SDK2: variants seen among roughly 807,000 people sequenced by gnomAD.
SDK2 encodes protein sidekick-2.
SDK2 carries 105 observed loss-of-function variants against 253.9 expected under a neutral mutation model. The ratio of observed to expected loss-of-function variants is 0.41; its 90% CI spans 0.35 to 0.49. The LOEUF is 0.49. Ranked by LOEUF, SDK2 falls within the 20% of genes least tolerant of loss-of-function variation. The probability of loss-of-function intolerance (pLI) is 0.06; values close to 1 mark genes in which losing one functional copy is unlikely to be tolerated. For missense variants in SDK2, 2,608 were observed against 3,003.0 expected (o/e 0.87, Z 3.07); for synonymous variants, 1,249 against 1,234.9 (o/e 1.01, Z -0.24).
rs534855338 is a variant in SDK2, at chr17:73,465,525, C to T, written c.331+6587G>A. Among the ~76,000 whole-genome samples the T allele has an allele frequency of 2.0e-5, 3 of 152,156 alleles. No individual in the cohort carries two copies. The East Asian group carries it at 5.8e-4, about 29-fold the overall frequency. ...TCTCCCAACCCTCTTAGCCATTCATCCCACATGCTGAATGCTGGAAATTTA... is the reference window on the plus strand; with the variant it reads ...TCTCCCAACCCTCTTAGCCATTCATTCCACATGCTGAATGCTGGAAATTTA... On this transcript the variant is annotated intron_variant, in intron 3 of 44. Transcript: ENST00000392650. This position sits in a 1 kb window ranked among gnomAD's most constrained non-coding sequence, Gnocchi z 4.2.
intron 12 of SDK2, among the ~76,000 whole-genome samples, chr17:73,428,104 T>C (rs1307858146): frequency 1.3e-5 from 2 of 152,200 alleles, no homozygotes; most frequent in Non-Finnish European, 2.9e-5. Context: ...GTACATCATA[T>C]GTCATTAGGG....
chr17:73,440,040 C>A (rs1010331420), intron 6 of SDK2, among the ~76,000 whole-genome samples: 3 of 151,822 alleles, frequency 2.0e-5, no homozygotes, highest in Admixed American at 6.6e-5. Flanking sequence ...GAGGTGAGGG[C>A]CGCACATGGC....
intron 32 of SDK2, 70 bp downstream of exon 32, chr17:73,385,777 G>A: frequency 2.1e-6 from 3 of 1,425,108 alleles, no homozygotes; most frequent in Non-Finnish European, 2.9e-6. Flanking sequence ...GGTGGGGACT[G>A]CTGGCTTTCC....
chr17:73,546,454 G>A (rs1423334898), intron 1 of SDK2, among the ~76,000 whole-genome samples: 3 of 152,238 alleles, frequency 2.0e-5, no homozygotes, highest in Non-Finnish European at 4.4e-5. Context: ...GCAGGAGAAT[G>A]TGGAACAGCC....
At chr17:73,434,905 C>T (rs1271677332) in intron 9 of SDK2, among the ~76,000 whole-genome samples, 1 of 152,178 alleles carries the variant, frequency 6.6e-6, no homozygotes, top group Non-Finnish European at 1.5e-5. Context: ...GCTGGGATTA[C>T]AGGTGTGAGC....
chr17:73,388,606 A>T (rs2062894369), intron 29 of SDK2, among the ~76,000 whole-genome samples: 1 of 152,190 alleles, frequency 6.6e-6, no homozygotes, highest in Admixed American at 6.5e-5. Flanking sequence ...TGATGCCAGT[A>T]GCACTCCCAC....
At chr17:73,579,697 C>A (rs2045506826) in intron 1 of SDK2, among the ~76,000 whole-genome samples, 1 of 152,324 alleles carries the variant, frequency 6.6e-6, no homozygotes, top group East Asian at 1.9e-4. Flanking sequence ...AGATTAGAGG[C>A]TGGACGCGGT....
intron 1 of SDK2, among the ~76,000 whole-genome samples, chr17:73,623,418 A>G (rs1467131927): frequency 6.6e-6 from 1 of 152,116 alleles, no homozygotes; most frequent in South Asian, 2.1e-4. Flanking sequence ...CAATTGATTA[A>G]GTAGAGGAAT....
rs1416258926 is a variant in SDK2, at chr17:73,344,571, A to C, written c.6165+4028T>G. Among the ~76,000 whole-genome samples, 5 of 152,250 alleles carry C rather than the reference A, an allele frequency of 3.3e-5. No individual in the cohort carries two copies. In the East Asian group the frequency reaches 7.7e-4, roughly 23 times the overall value. On this transcript the variant is annotated intron_variant, in intron 44 of 44. Coordinates refer to ENST00000392650, the MANE Select transcript of SDK2 (RefSeq NM_001144952.2). ...GTTTCCCCAGCTGTTAAATGGGGAT[A>C]GTTTCACTTGCATGGCAGGACAGCT...
At chr17:73,418,815 G>T (rs1412345982) in intron 16 of SDK2, among the ~76,000 whole-genome samples, 1 of 152,154 alleles carries the variant, frequency 6.6e-6, no homozygotes, top group African/African-American at 2.4e-5. Flanking sequence ...CCACTCACGG[G>T]TCAAGAGAAT....
rs550367326 is a variant in SDK2, at chr17:73,479,346, T to C, written c.225-7128A>G. Among the ~76,000 whole-genome samples, 11 of 151,950 alleles carry C rather than the reference T, an allele frequency of 7.2e-5. No individual in the cohort carries two copies. The East Asian group carries it at 1.5e-3, about 21-fold the overall frequency. On this transcript the variant is annotated intron_variant, in intron 2 of 44. Transcript: ENST00000392650. Reference sequence around the variant, plus strand: ...TGCTGAGCATGTGCATGTCTGTGCGTGTGTGTGTGTGTGTCCTCAGACACC... The same window carrying C: ...TGCTGAGCATGTGCATGTCTGTGCGCGTGTGTGTGTGTGTCCTCAGACACC...
intron 1 of SDK2, among the ~76,000 whole-genome samples, chr17:73,601,894 G>T (rs536076296): frequency 6.6e-6 from 1 of 152,152 alleles, no homozygotes; most frequent in South Asian, 2.1e-4. Context: ...CAGGCACCCA[G>T]CACCATGCCC....
At chr17:73,480,698 G>T (rs1196111599) in intron 2 of SDK2, among the ~76,000 whole-genome samples, 1 of 152,104 alleles carries the variant, frequency 6.6e-6, no homozygotes, top group Non-Finnish European at 1.5e-5. Flanking sequence ...GAGAGACAGG[G>T]AGGCTGAGAT....
At chr17:73,545,942 G>C (rs1765087420) in intron 1 of SDK2, among the ~76,000 whole-genome samples, 1 of 152,204 alleles carries the variant, frequency 6.6e-6, no homozygotes, top group Non-Finnish European at 1.5e-5. Context: ...TGTGGAACAG[G>C]TAGGCTGTAG....
intron 1 of SDK2, among the ~76,000 whole-genome samples, chr17:73,588,656 A>G (rs553341739): frequency 6.6e-6 from 1 of 152,222 alleles, no homozygotes; most frequent in East Asian, 1.9e-4. Flanking sequence ...CAGGGATCCT[A>G]TGAAATACCC....
At chr17:73,517,853 A>T (rs4789100) in intron 1 of SDK2, 119,578 of 152,302 alleles carry the variant, frequency 0.79, 47,431 homozygotes, top group African/African-American at 0.89. Context: ...GCCCTTTCTT[A>T]CCTTCTTTAC....
intron 3 of SDK2, among the ~76,000 whole-genome samples, chr17:73,464,016 T>C (rs898310543): frequency 3.3e-5 from 5 of 152,258 alleles, no homozygotes; most frequent in African/African-American, 1.2e-4. Context: ...GTTGTTAGAC[T>C]GTGGTCTCTG....
chr17:73,602,551 T>C (rs1218517739), intron 1 of SDK2, among the ~76,000 whole-genome samples: 2 of 151,828 alleles, frequency 1.3e-5, no homozygotes, highest in Admixed American at 1.3e-4. Context: ...GAAGTTCCTT[T>C]GCAGAATCCT....
In SDK2 at chr17:73,499,255, G is replaced by A. The variant is rs4278794; in HGVS notation, c.224+8183C>T. On this transcript the variant is annotated intron_variant, in intron 2 of 44. Coordinates refer to ENST00000392650, the MANE Select transcript of SDK2 (RefSeq NM_001144952.2). ...AAAGGCTGCCAGTGGCTCCGCGTGC[G>A]TCCCCTGCTTTTGTGTCCCTTGCTG... Among the ~76,000 whole-genome samples the A allele has an allele frequency of 2.6e-4, 39 of 152,338 alleles. No homozygotes were observed. The South Asian group carries it at 5.8e-3, about 23-fold the overall frequency.
Sources: gnomAD v4.1 joint callset for allele counts (sites outside exome capture counted in the v4.1 genomes callset) on GRCh38, gnomAD v4.1.1 for gene constraint, Gnocchi (gnomAD v3.1) non-coding constraint, MANE v1.5 for transcripts, NCBI Gene and HGNC (gene_info 2026-07-23, HGNC 2026-07-21) for gene names.